The following SLC24A4 variants were observed in gnomAD, a reference collection of about 807,000 sequenced individuals.
SLC24A4 encodes the protein sodium/potassium/calcium exchanger 4.
In SLC24A4, 53 loss-of-function variants were observed where a neutral mutation model predicts 79.0. The observed-to-expected ratio is 0.67, with a 90% CI of 0.54 to 0.84. SLC24A4 has a LOEUF of 0.84. Ranked by LOEUF, SLC24A4 falls within the 40% of genes least tolerant of loss-of-function variation. The pLI is 0.00. For missense variants in SLC24A4, 731 were observed against 822.0 expected (o/e 0.89, Z 1.35); for synonymous variants, 323 against 323.8 (o/e 1.00, Z 0.03).
intron 3 of SLC24A4, among the ~76,000 whole-genome samples, chr14:92,434,988 G>A (rs1292874459): frequency 6.6e-6 from 1 of 152,058 alleles, no homozygotes. Flanking sequence ...TGGCCAGGCT[G>A]GTCTCGAACT....
intron 2 of SLC24A4, among the ~76,000 whole-genome samples, chr14:92,336,992 C>A (rs1182301373): frequency 6.6e-6 from 1 of 152,178 alleles, no homozygotes; most frequent in Non-Finnish European, 1.5e-5. Flanking sequence ...AAATAAACAC[C>A]TCCTAAGATT....
chr14:92,463,773 C>A (rs1275603048), intron 12 of SLC24A4, among the ~76,000 whole-genome samples: 1 of 152,164 alleles, frequency 6.6e-6, no homozygotes, highest in African/African-American at 2.4e-5. Flanking sequence ...TTTCCAACAC[C>A]CCAAAAGGCA....
chr14:92,325,137 C>T (rs1885053142), intron 1 of SLC24A4, among the ~76,000 whole-genome samples: 1 of 152,160 alleles, frequency 6.6e-6, no homozygotes, highest in African/African-American at 2.4e-5. Context: ...TCTTAGACAT[C>T]AGCATTATAG....
chr14:92,438,300 A>G (rs1218230148), intron 3 of SLC24A4, among the ~76,000 whole-genome samples: 1 of 152,156 alleles, frequency 6.6e-6, no homozygotes, highest in Non-Finnish European at 1.5e-5. Context: ...ATTTATTATA[A>G]AGGATATTAC....
rs758615961 is a variant in SLC24A4 at position 92,447,442 on chromosome 14, T to C, written c.737+18T>C. ...ATCATGAAGTAAGTGCCCTTTCTCC[T>C]CCCCGGGGCTGCCGACGCCTTGCCC... On this transcript the variant is annotated intron_variant, in intron 9 of 16. Coordinates refer to ENST00000532405, the MANE Select transcript of SLC24A4 (RefSeq NM_153646.4). 2 of 1,613,074 alleles carry C rather than the reference T, an allele frequency of 1.2e-6. No homozygotes were observed. Among genetic ancestry groups the C allele is most frequent in the Non-Finnish European group, 8.5e-7 (1 of 1,179,268 alleles).
At chr14:92,420,491 T>A (rs978701909) in intron 2 of SLC24A4, among the ~76,000 whole-genome samples, 13 of 151,238 alleles carry the variant, frequency 8.6e-5, no homozygotes, top group Admixed American at 6.6e-5. Flanking sequence ...AAAAAAAAAA[T>A]CTGTTGTTTT....
intron 12 of SLC24A4, among the ~76,000 whole-genome samples, chr14:92,459,004 G>A (rs1329313948): frequency 6.6e-6 from 1 of 152,194 alleles, no homozygotes; most frequent in Non-Finnish European, 1.5e-5. Context: ...GAAGTGGGTG[G>A]CAGAATCCCC....
intron 2 of SLC24A4, among the ~76,000 whole-genome samples, chr14:92,338,249 G>A (rs1885930357): frequency 6.6e-6 from 1 of 152,162 alleles, no homozygotes. Flanking sequence ...GCCTATCTGA[G>A]CCTTAATTCC....
At chr14:92,367,566 G>A (rs555228633) in intron 2 of SLC24A4, among the ~76,000 whole-genome samples, 1 of 152,318 alleles carries the variant, frequency 6.6e-6, no homozygotes, top group East Asian at 1.9e-4. Context: ...GAAGTGAAGG[G>A]GTATCAAGAG....
At chr14:92,414,691 G>A (rs1046098429) in intron 2 of SLC24A4, among the ~76,000 whole-genome samples, 23 of 152,184 alleles carry the variant, frequency 1.5e-4, no homozygotes, top group African/African-American at 5.1e-4. Flanking sequence ...AGTGAGCTGT[G>A]ATCGCACCAC....
intron 2 of SLC24A4, among the ~76,000 whole-genome samples, chr14:92,412,878 T>C (rs1890796197): frequency 6.6e-6 from 1 of 152,156 alleles, no homozygotes; most frequent in African/African-American, 2.4e-5. Flanking sequence ...AAGCCAAAAA[T>C]GGTTTCTACG....
chr14:92,347,466 T>C (rs1241597183), intron 2 of SLC24A4, among the ~76,000 whole-genome samples: 4 of 152,236 alleles, frequency 2.6e-5, no homozygotes, highest in Admixed American at 2.6e-4. Context: ...GTTTCTCTTA[T>C]TGCTTTGGCT....
chr14:92,411,739 T>C (rs1344131026), intron 2 of SLC24A4, among the ~76,000 whole-genome samples: 1 of 151,778 alleles, frequency 6.6e-6, no homozygotes, highest in East Asian at 1.9e-4. Flanking sequence ...ACACCAGCAA[T>C]GATTGAGCAC....
At chr14:92,412,161 G>A (rs138451416) in intron 2 of SLC24A4, among the ~76,000 whole-genome samples, 152 of 152,262 alleles carry the variant, frequency 1.0e-3, no homozygotes, top group African/African-American at 3.3e-3. Flanking sequence ...AAAGCCTCAC[G>A]TGTTCAAAAA....
chr14:92,343,648 C>CT (rs1886332733), intron 2 of SLC24A4, among the ~76,000 whole-genome samples: 13 of 139,878 alleles, frequency 9.3e-5, no homozygotes, highest in African/African-American at 2.9e-4. Flanking sequence ...TTCTCTCTTT[C>CT]CTTCTTTCCT....
At chr14:92,436,693 G>A (rs1462188569) in intron 3 of SLC24A4, among the ~76,000 whole-genome samples, 1 of 152,186 alleles carries the variant, frequency 6.6e-6, no homozygotes, top group Non-Finnish European at 1.5e-5. Context: ...TGCCTGCAGT[G>A]CTCCGTGACC....
At chr14:92,479,935 C>T (rs1233433975) in intron 12 of SLC24A4, among the ~76,000 whole-genome samples, 4 of 152,054 alleles carry the variant, frequency 2.6e-5, no homozygotes, top group Admixed American at 6.5e-5. Flanking sequence ...GTAGTTTGTA[C>T]CTTTGCAGAA....
rs73333755 is a variant in SLC24A4, at chr14:92,372,764, T to C, written c.241+46786T>C. ...CTGAACTTGTCCCTCATGTGTCAAGTGGAGATGATGTTGACCTCCAGGTTT... is the reference window on the plus strand; with the variant it reads ...CTGAACTTGTCCCTCATGTGTCAAGCGGAGATGATGTTGACCTCCAGGTTT... On this transcript the variant is annotated intron_variant, in intron 2 of 16. Coordinates refer to ENST00000532405, the MANE Select transcript of SLC24A4 (RefSeq NM_153646.4). Among the ~76,000 whole-genome samples the C allele has an allele frequency of 2.5e-3, 383 of 152,168 alleles. 4 individuals are homozygous for C. Among genetic ancestry groups the C allele is most frequent in the African/African-American group, 8.7e-3 (361 of 41,502 alleles).
chr14:92,478,647 T>TG (rs71123349), intron 12 of SLC24A4, among the ~76,000 whole-genome samples: 126,660 of 143,962 alleles, frequency 0.88, 56,495 homozygotes, highest in Non-Finnish European at 0.96. Flanking sequence ...TTCCCAGCTT[T>TG]GTTTTGTTTT....
Sources: allele counts gnomAD v4.1 joint callset (sites outside exome capture counted in the v4.1 genomes callset), GRCh38; gene constraint gnomAD v4.1.1; transcripts MANE v1.5; gene names NCBI Gene and HGNC (gene_info 2026-07-23, HGNC 2026-07-21).